The following SIL1 variants were observed in gnomAD, a reference collection of about 807,000 sequenced individuals.
The protein encoded by SIL1 is SIL1 nucleotide exchange factor, also known as nucleotide exchange factor SIL1.
Under a neutral mutation model 49.1 loss-of-function variants are expected in SIL1, and 40 were observed. The ratio of observed to expected loss-of-function variants is 0.81; its 90% CI spans 0.63 to 1.06. The LOEUF is 1.06. Ranked by LOEUF, SIL1 falls within the 50% of genes least tolerant of loss-of-function variation. The pLI, the probability that SIL1 is intolerant of heterozygous loss-of-function variation, is 0.00. For missense variants in SIL1, 500 were observed against 572.6 expected (o/e 0.87, Z 1.29); for synonymous variants, 253 against 250.8 (o/e 1.01, Z -0.08).
intron 3 of SIL1, among the ~76,000 whole-genome samples, chr5:139,068,503 T>C (rs774676474): frequency 2.4e-4 from 36 of 152,046 alleles, no homozygotes; most frequent in Non-Finnish European, 4.3e-4. Flanking sequence ...TGAGTAGACT[T>C]GGACGACAGA....
At chr5:139,043,561 T>C (rs1327255815) in intron 4 of SIL1, among the ~76,000 whole-genome samples, 1 of 152,110 alleles carries the variant, frequency 6.6e-6, no homozygotes, top group Non-Finnish European at 1.5e-5. Flanking sequence ...AGGAATGGAT[T>C]TGAGATACTA....
chr5:139,145,629 CGTGTGTGTGT>C (rs57675583), intron 1 of SIL1, among the ~76,000 whole-genome samples: 15,787 of 142,428 alleles, frequency 0.11, 955 homozygotes, highest in African/African-American at 0.14. Context: ...GGTGTGGGGG[CGTGTGTGTGT>C]GTGTGTGTGT....
intron 7 of SIL1, among the ~76,000 whole-genome samples, chr5:138,970,434 T>G (rs915019737): frequency 1.3e-5 from 2 of 152,214 alleles, no homozygotes; most frequent in African/African-American, 4.8e-5. Context: ...TAGTTAGGAC[T>G]CTGTTTTTAA....
At chr5:138,989,087 T>C (rs1444057628) in intron 7 of SIL1, among the ~76,000 whole-genome samples, 1 of 152,210 alleles carries the variant, frequency 6.6e-6, no homozygotes, top group Non-Finnish European at 1.5e-5. Flanking sequence ...CAGTGGAGGA[T>C]ACTTTTCATA....
chr5:139,096,474 G>A (rs1770469592), intron 3 of SIL1, among the ~76,000 whole-genome samples: 1 of 151,876 alleles, frequency 6.6e-6, no homozygotes, highest in Admixed American at 6.6e-5. Flanking sequence ...ACTAGCCAAG[G>A]CGCCTAAGGG....
chr5:139,142,334 C>CTA (rs902499032), intron 1 of SIL1, among the ~76,000 whole-genome samples: 36 of 152,260 alleles, frequency 2.4e-4, no homozygotes, highest in African/African-American at 8.4e-4. Context: ...GACAAAGACA[C>CTA]TATAAGAAGA....
rs80028867 is a variant in SIL1, at chr5:138,952,990, C to T, written c.768-1106G>A. On this transcript the variant is annotated intron_variant, in intron 7 of 9. Transcript: ENST00000394817. ...CCCTCTCAGCAGCCCACATGTGAGGCCCCAGAGAAAAGAGGGGACAGGCAC... is the reference window on the plus strand; with the variant it reads ...CCCTCTCAGCAGCCCACATGTGAGGTCCCAGAGAAAAGAGGGGACAGGCAC... Among the ~76,000 whole-genome samples the T allele has an allele frequency of 9.9e-3, 1,515 of 152,342 alleles. 27 individuals are homozygous for T. Among genetic ancestry groups the T allele is most frequent in the East Asian group, 0.042 (217 of 5,178 alleles).
chr5:138,974,918 T>C (rs1767364979), intron 7 of SIL1, among the ~76,000 whole-genome samples: 1 of 152,218 alleles, frequency 6.6e-6, no homozygotes. Context: ...TCTTCATCTC[T>C]GAGCTGAGGA....
At chr5:138,951,087 G>A (rs865776657) in intron 9 of SIL1, 84 bp downstream of exon 9, 18 of 1,461,718 alleles carry the variant, frequency 1.2e-5, no homozygotes, top group Middle Eastern at 3.4e-4. Flanking sequence ...AGTGACGTCC[G>A]CAGTCTCTTC....
chr5:139,021,863 T>C, intron 6 of SIL1: 1 of 186,170 alleles, frequency 5.4e-6, no homozygotes, highest in South Asian at 1.1e-4. Context: ...CATGATAAAA[T>C]ATGCAAGAAA....
Position 138,947,052 on chromosome 5 carries a change from G to A in SIL1, c.*65C>T. 1 of 1,293,768 alleles carries A rather than the reference G, an allele frequency of 7.7e-7. No homozygotes were observed. The highest frequency in any genetic ancestry group is 1.1e-6 in the Non-Finnish European group (1 of 905,428). The allele number at this position is 1,293,768 out of a possible 1,614,324, so 80.1% of individuals were successfully genotyped here. A position where few individuals can be genotyped will look rare whatever the true frequency, so the allele number is the denominator to read the frequency against. ...GCCAAGATGTCCTCCTGCCTGAGAA[G>A]CCCACCCACGCTGGCACCCCTCAGC... On this transcript the variant is annotated 3_prime_UTR_variant, in exon 10 of 10. Transcript: ENST00000394817. This position sits in a 1 kb window ranked among gnomAD's most constrained non-coding sequence, Gnocchi z 4.1.
At chr5:139,032,957 T>C (rs1768824295) in intron 5 of SIL1, 1 of 152,126 alleles carries the variant, frequency 6.6e-6, no homozygotes, top group African/African-American at 2.4e-5. Flanking sequence ...GTGCTTTATG[T>C]GTTTGTCAGT....
chr5:139,172,951 G>A (rs553375135), intron 1 of SIL1, among the ~76,000 whole-genome samples: 40 of 151,808 alleles, frequency 2.6e-4, no homozygotes, highest in Admixed American at 2.6e-3. Context: ...TGATCCCAAA[G>A]AAGACAGCCT....
chr5:139,055,074 G>A (rs1228667425), intron 3 of SIL1, among the ~76,000 whole-genome samples: 1 of 152,142 alleles, frequency 6.6e-6, no homozygotes, highest in African/African-American at 2.4e-5. Context: ...GGGGGATGGA[G>A]AGCAAGGGTA....
intron 3 of SIL1, among the ~76,000 whole-genome samples, chr5:139,073,559 G>A (rs1769880851): frequency 6.6e-6 from 1 of 152,124 alleles, no homozygotes. Context: ...GTAGAGGCTG[G>A]GGAGATGTTG....
intron 3 of SIL1, among the ~76,000 whole-genome samples, chr5:139,109,940 G>C (rs1385538250): frequency 1.3e-5 from 2 of 151,942 alleles, no homozygotes; most frequent in Non-Finnish European, 2.9e-5. Flanking sequence ...GGAGGACAAG[G>C]CTGGCAGATC....
intron 7 of SIL1, among the ~76,000 whole-genome samples, chr5:138,988,946 C>T (rs1418707658): frequency 6.6e-6 from 1 of 152,182 alleles, no homozygotes; most frequent in Non-Finnish European, 1.5e-5. Flanking sequence ...CTACAGTAAA[C>T]TGCCTTTCAT....
intron 1 of SIL1, among the ~76,000 whole-genome samples, chr5:139,182,730 T>G (rs1752013151): frequency 6.6e-6 from 1 of 152,160 alleles, no homozygotes. Flanking sequence ...AAACATTTAT[T>G]GAGTGCTTAC....
At chr5:139,054,829 C>T (rs577771265) in intron 3 of SIL1, among the ~76,000 whole-genome samples, 1 of 152,152 alleles carries the variant, frequency 6.6e-6, no homozygotes, top group East Asian at 1.9e-4. Flanking sequence ...ACTCAAAATA[C>T]AGGTTGTGTT....
Sources: allele counts gnomAD v4.1 joint callset (sites outside exome capture counted in the v4.1 genomes callset), GRCh38; gene constraint gnomAD v4.1.1; non-coding constraint Gnocchi (gnomAD v3.1); transcripts MANE v1.5; gene names NCBI Gene and HGNC (gene_info 2026-07-23, HGNC 2026-07-21).